Variants in KCNH7 observed in about 807,000 individuals in gnomAD.
KCNH7 encodes the protein voltage-gated inwardly rectifying potassium channel KCNH7.
A neutral mutation model predicts 120.8 loss-of-function variants in KCNH7; 49 were observed. That is an observed-to-expected ratio of 0.41 (90% CI 0.32 to 0.51). The LOEUF (loss-of-function observed/expected upper bound fraction) is 0.51, where lower values mean the gene tolerates loss of function less well. Ranked by LOEUF, KCNH7 falls within the 20% of genes least tolerant of loss-of-function variation. The pLI is 0.38. For synonymous variants in KCNH7, 547 were observed against 516.1 expected, an observed-to-expected ratio of 1.06 and a Z score of -0.81; for missense variants, 1,097 against 1,446.6, an observed-to-expected ratio of 0.76 and a Z score of 3.92.
rs546026841 is a variant in KCNH7 at position 162,590,284 on chromosome 2, C to T, written c.308-53204G>A. On this transcript the variant is annotated intron_variant, in intron 2 of 15. Transcript: ENST00000332142. ...AGACACCTTGAACTAGGCATTTATC[C>T]GAGTGCATCTGAGTGGGAGGAGAGC... Among the ~76,000 whole-genome samples, 22 of 152,158 alleles carry T rather than the reference C, an allele frequency of 1.4e-4. No homozygotes were observed. In the East Asian group the frequency reaches 3.7e-3, roughly 25 times the overall value.
chr2:162,560,624 A>G (rs1303294155), intron 2 of KCNH7, among the ~76,000 whole-genome samples: 1 of 152,240 alleles, frequency 6.6e-6, no homozygotes, highest in Non-Finnish European at 1.5e-5. Context: ...TCTTTGAATG[A>G]GTGATGCCAG....
At chr2:162,532,753 G>A (rs1315258719) in intron 3 of KCNH7, among the ~76,000 whole-genome samples, 3 of 151,858 alleles carry the variant, frequency 2.0e-5, no homozygotes, top group Non-Finnish European at 4.4e-5. Context: ...AGAAAAGTAA[G>A]AAGTATATAC....
At chr2:162,752,904 AAAAGAAAAGAAAAGAAAAG>A (rs1688613891) in intron 2 of KCNH7, among the ~76,000 whole-genome samples, 10 of 50,920 alleles carry the variant, frequency 2.0e-4, no homozygotes, top group East Asian at 1.5e-3. Context: ...ACATCTCAGA[AAAAGAAAAGAAAAGAAAAG>A]AAAAGAAAAG....
At chr2:162,470,934 C>T (rs1268824393) in intron 6 of KCNH7, among the ~76,000 whole-genome samples, 1 of 152,216 alleles carries the variant, frequency 6.6e-6, no homozygotes, top group East Asian at 1.9e-4. Context: ...TCCTGTTGAT[C>T]TCTGACCTTA....
At chr2:162,683,002 G>A (rs138759953) in intron 2 of KCNH7, among the ~76,000 whole-genome samples, 43 of 151,830 alleles carry the variant, frequency 2.8e-4, no homozygotes, top group African/African-American at 8.9e-4. Context: ...TTCTTCTTCC[G>A]AAGGGTATGG....
chr2:162,429,986 A>C (rs1688012159), intron 8 of KCNH7, among the ~76,000 whole-genome samples: 1 of 151,630 alleles, frequency 6.6e-6, no homozygotes, highest in Admixed American at 6.6e-5. Context: ...ATAGCTCTTA[A>C]ATTTTAAATA....
chr2:162,550,064 G>A (rs1260888890), intron 2 of KCNH7, among the ~76,000 whole-genome samples: 1 of 152,132 alleles, frequency 6.6e-6, no homozygotes, highest in Non-Finnish European at 1.5e-5. Context: ...ATCTTAATGG[G>A]GAATGCATAG....
At chr2:162,720,249 C>T (rs1234078483) in intron 2 of KCNH7, among the ~76,000 whole-genome samples, 1 of 145,746 alleles carries the variant, frequency 6.9e-6, no homozygotes, top group Non-Finnish European at 1.5e-5. Flanking sequence ...TCTTTATAAG[C>T]CTTCCTTCCT....
intron 2 of KCNH7, among the ~76,000 whole-genome samples, chr2:162,619,782 A>G (rs140969302): frequency 6.6e-6 from 1 of 152,130 alleles, no homozygotes; most frequent in Non-Finnish European, 1.5e-5. Context: ...ATCTTCTTCT[A>G]CAAGACCTTG....
At chr2:162,516,826 C>T (rs1691313202) in intron 4 of KCNH7, among the ~76,000 whole-genome samples, 1 of 151,714 alleles carries the variant, frequency 6.6e-6, no homozygotes, top group South Asian at 2.1e-4. Context: ...GACAGGCAGT[C>T]CTGAGTTTGA....
chr2:162,774,541 G>C (rs1256380194), intron 2 of KCNH7, among the ~76,000 whole-genome samples: 1 of 152,142 alleles, frequency 6.6e-6, no homozygotes, highest in Non-Finnish European at 1.5e-5. Flanking sequence ...AGAGCCATAA[G>C]ATTTTGGGCC....
At chr2:162,724,671 C>CAAAAAA (rs71009368) in intron 2 of KCNH7, among the ~76,000 whole-genome samples, 18 of 123,926 alleles carry the variant, frequency 1.5e-4, no homozygotes, top group African/African-American at 5.4e-4. Flanking sequence ...GACTCCGTCT[C>CAAAAAA]AAAAAAAAAA....
At chr2:162,694,774 C>T (rs1686231498) in intron 2 of KCNH7, among the ~76,000 whole-genome samples, 1 of 151,342 alleles carries the variant, frequency 6.6e-6, no homozygotes, top group Admixed American at 6.6e-5. Flanking sequence ...GACGGAGTCT[C>T]GCTCTGTTGG....
At chr2:162,537,941 A>G (rs1692168894) in intron 2 of KCNH7, 1 of 152,110 alleles carries the variant, frequency 6.6e-6, no homozygotes, top group South Asian at 2.1e-4. Flanking sequence ...CTTGCAGCTG[A>G]CTTCTAGAAT....
At chr2:162,740,515 C>T (rs1283968668) in intron 2 of KCNH7, among the ~76,000 whole-genome samples, 1 of 152,152 alleles carries the variant, frequency 6.6e-6, no homozygotes, top group African/African-American at 2.4e-5. Context: ...TTTGTGTCTG[C>T]AGGCAAGATT....
intron 6 of KCNH7, among the ~76,000 whole-genome samples, chr2:162,484,649 T>A (rs1023974192): frequency 6.6e-6 from 1 of 152,194 alleles, no homozygotes; most frequent in Non-Finnish European, 1.5e-5. Context: ...TTTTGAAATT[T>A]GATCCCCAGT....
chr2:162,594,910 C>A (rs959008343), intron 2 of KCNH7, among the ~76,000 whole-genome samples: 2 of 151,904 alleles, frequency 1.3e-5, no homozygotes, highest in Non-Finnish European at 2.9e-5. Flanking sequence ...CACTAGCAAA[C>A]CATATTCAAC....
intron 2 of KCNH7, among the ~76,000 whole-genome samples, chr2:162,718,456 G>T (rs1001444445): frequency 6.6e-6 from 1 of 151,906 alleles, no homozygotes; most frequent in African/African-American, 2.4e-5. Context: ...GAGTAGACTT[G>T]GTTTAGGAAA....
intron 2 of KCNH7, among the ~76,000 whole-genome samples, chr2:162,603,597 C>T (rs1694632153): frequency 6.6e-6 from 1 of 152,098 alleles, no homozygotes; most frequent in African/African-American, 2.4e-5. Context: ...ATCCCAGCTA[C>T]TCAGGAGGCT....
Sources: gnomAD v4.1 joint callset for allele counts (sites outside exome capture counted in the v4.1 genomes callset) on GRCh38, gnomAD v4.1.1 for gene constraint, MANE v1.5 for transcripts, NCBI Gene and HGNC (gene_info 2026-07-23, HGNC 2026-07-21) for gene names.